The following SCYL3 variants were observed in gnomAD, a reference collection of about 807,000 sequenced individuals.
The protein encoded by SCYL3 is SCY1 like pseudokinase 3.
A neutral mutation model predicts 73.8 loss-of-function variants in SCYL3; 35 were observed. The observed-to-expected ratio is 0.47, with a 90% CI of 0.36 to 0.63. SCYL3 has a LOEUF of 0.63. Among genes scored for constraint, SCYL3 ranks in the 20% least tolerant of loss-of-function variants. The pLI, the probability that SCYL3 is intolerant of heterozygous loss-of-function variation, is 0.00. For missense variants in SCYL3, 712 were observed against 798.9 expected (o/e 0.89, Z 1.31); for synonymous variants, 277 against 295.2 (o/e 0.94, Z 0.63).
upstream of SCYL3, chr1:169,894,053 C>G (rs1055350580): frequency 2.0e-5 from 3 of 152,292 alleles, no homozygotes; most frequent in African/African-American, 7.2e-5. Flanking sequence ...CAGGCCGGTG[C>G]CATCTTAAGT....
At chr1:169,884,327 C>T (rs947755100) in intron 2 of SCYL3, among the ~76,000 whole-genome samples, 1 of 151,944 alleles carries the variant, frequency 6.6e-6, no homozygotes, top group Non-Finnish European at 1.5e-5. Flanking sequence ...GACAGAGTGT[C>T]GCTCTTGTTA....
At chr1:169,888,532 T>G in intron 2 of SCYL3, 144 bp downstream of exon 2, 2 of 640,416 alleles carry the variant, frequency 3.1e-6, no homozygotes, top group Non-Finnish European at 5.2e-6. Context: ...GCCCATGAAG[T>G]AAGAGCAATG....
chr1:169,891,701 A>G (rs554454170), intron 1 of SCYL3, among the ~76,000 whole-genome samples: 1 of 152,352 alleles, frequency 6.6e-6, no homozygotes, highest in East Asian at 1.9e-4. Context: ...TGTTAATATT[A>G]ATCCTCATGG....
rs1488280190 is a variant in SCYL3 at position 169,851,670 on chromosome 1, A to G, written c.*2043T>C. The G allele has an allele frequency of 6.9e-6, 6 of 864,934 alleles. No individual in the cohort carries two copies. The highest frequency in any genetic ancestry group is 1.1e-5 in the Non-Finnish European group (6 of 557,096). The allele number at this position is 864,934 out of a possible 1,614,324, so 53.6% of individuals were successfully genotyped here. On this transcript the variant is annotated 3_prime_UTR_variant, in exon 13 of 13. Coordinates refer to ENST00000367771, the MANE Select transcript of SCYL3 (RefSeq NM_020423.7). ...AGTAGAGTGATTTAATCCAGATTAT[A>G]CTAAGAGTATTTATAGATCAGTCCA...
intron 11 of SCYL3, 70 bp downstream of exon 11, chr1:169,858,971 C>A: frequency 7.4e-7 from 1 of 1,357,878 alleles, no homozygotes; most frequent in East Asian, 2.4e-5. Context: ...GACCCTCCTA[C>A]ATTACTTATA....
At chr1:169,858,946 C>T in intron 11 of SCYL3, 95 bp downstream of exon 11, 5 of 1,056,794 alleles carry the variant, frequency 4.7e-6, no homozygotes, top group Non-Finnish European at 6.9e-6. Flanking sequence ...TTCTTTATAT[C>T]ATTTGACTGA....
rs190544301 is a variant in SCYL3 at position 169,855,903 on chromosome 1, T to A, written c.1313-939A>T. 11 of 1,613,972 alleles carry A rather than the reference T, an allele frequency of 6.8e-6. No homozygotes were observed. The highest frequency in any genetic ancestry group is 1.6e-4 in the Middle Eastern group (1 of 6,062). On this transcript the variant is annotated intron_variant, in intron 11 of 12. Transcript: ENST00000367771. ...AGGGAATATGCTAGAGAAGGGGTTC[T>A]CCAAGATTGGCGAGATCTGACTGTG... is the stretch of plus-strand genomic sequence containing the variant.
intron 2 of SCYL3, among the ~76,000 whole-genome samples, chr1:169,886,041 G>A (rs369408408): frequency 2.0e-5 from 3 of 152,154 alleles, no homozygotes; most frequent in East Asian, 1.9e-4. Flanking sequence ...GGCCAGGTAC[G>A]GTGGCTCATG....
intron 1 of SCYL3, among the ~76,000 whole-genome samples, chr1:169,889,818 T>C (rs1229159404): frequency 6.6e-6 from 1 of 152,230 alleles, no homozygotes; most frequent in East Asian, 1.9e-4. Context: ...TTTTCATTTA[T>C]TCTGTATCAA....
rs571264508 is a variant in SCYL3 at position 169,891,601 on chromosome 1, A to C, written c.-51+2187T>G. Among the ~76,000 whole-genome samples the C allele has an allele frequency of 3.3e-5, 5 of 152,292 alleles. No homozygotes were observed. In the East Asian group the frequency reaches 7.7e-4, roughly 24 times the overall value. On this transcript the variant is annotated intron_variant, in intron 1 of 12. Transcript: ENST00000367771. ...TCACCCACAAAACACAGCTTTCCAA[A>C]ATCAACACACAATTAAGAGAAAAGC...
intron 4 of SCYL3, 69 bp from the exon 5 acceptor site, chr1:169,873,821 G>A (rs1482329939): frequency 8.9e-7 from 1 of 1,128,764 alleles, no homozygotes. Context: ...CTTACATCAG[G>A]TTACATAAGC....
chr1:169,850,393 T>C lies in SCYL3; in HGVS notation c.*3320A>G. On this transcript the variant is annotated 3_prime_UTR_variant, in exon 13 of 13. Transcript: ENST00000367771. The stretch of plus-strand genomic sequence containing the variant: ...GTTTTATTCTTTGTCCTATTTTTTT[T>C]TTTCCGAAATTATGTAACTGTAACC... The C allele has an allele frequency of 7.3e-7, 1 of 1,372,874 alleles. No homozygotes were observed. Among genetic ancestry groups the C allele is most frequent in the Non-Finnish European group, 1.0e-6 (1 of 981,886 alleles). The allele number at this position is 1,372,874 out of a possible 1,614,324, so 85.0% of individuals were successfully genotyped here. A position where few individuals can be genotyped will look rare whatever the true frequency, so the allele number is the denominator to read the frequency against.
intron 3 of SCYL3, among the ~76,000 whole-genome samples, chr1:169,876,632 GA>G (rs1200525162): frequency 6.6e-6 from 1 of 152,112 alleles, no homozygotes; most frequent in Non-Finnish European, 1.5e-5. Flanking sequence ...TGAAGAAGAG[GA>G]AAATGGAATG....
chr1:169,888,825 T>C lies in SCYL3; in HGVS notation c.16A>G (p.Ser6Gly). Residue 6 changes from serine to glycine, a missense_variant, in exon 2 of 13, where the codon AGT becomes GGT. By Grantham distance (56) the Ser-to-Gly change is moderately conservative. Transcript: ENST00000367771. ...CTCAGTGTATAGCTCTTTAAAGCAC[T>C]GTTCTCTGATCCCATCCCTTATGCA... is the stretch of plus-strand genomic sequence containing the variant. MGSEN[S>G]ALKSYTLREP... 1 of 1,612,756 alleles carries C rather than the reference T, an allele frequency of 6.2e-7. No individual in the cohort carries two copies. Among genetic ancestry groups the C allele is most frequent in the Non-Finnish European group, 8.5e-7 (1 of 1,179,354 alleles).
rs12122419 is a variant in SCYL3, at chr1:169,873,876, C to T, written c.466-124G>A. ...ACCAATTAAACCTTCAAATCAATGCCGCATATTAGATGCACAAATTTAAAA... is the reference window on the plus strand; with the variant it reads ...ACCAATTAAACCTTCAAATCAATGCTGCATATTAGATGCACAAATTTAAAA... On this transcript the variant is annotated intron_variant, in intron 4 of 12. Transcript: ENST00000367771. The T allele has an allele frequency of 0.079, 49,633 of 625,332 alleles. 2,351 individuals carry two copies. The highest frequency in any genetic ancestry group is 0.099 in the Middle Eastern group (352 of 3,548). The allele number at this position is 625,332 out of a possible 1,614,324, so 38.7% of individuals were successfully genotyped here.
intron 3 of SCYL3, among the ~76,000 whole-genome samples, chr1:169,876,591 T>C (rs922987595): frequency 6.6e-6 from 1 of 152,080 alleles, no homozygotes; most frequent in Non-Finnish European, 1.5e-5. Flanking sequence ...TCATCTGAAA[T>C]CTTGTTAGTA....
Position 169,851,775 on chromosome 1 carries a change from T to A in SCYL3, c.*1938A>T. On this transcript the variant is annotated 3_prime_UTR_variant, in exon 13 of 13. Coordinates refer to ENST00000367771, the MANE Select transcript of SCYL3 (RefSeq NM_020423.7). ...GGCCATTTCATATCTAGTAGAGTGC[T>A]AACATGTTGCTATTTGCTTGGTTTT... 1 of 1,603,332 alleles carries A rather than the reference T, an allele frequency of 6.2e-7. No homozygotes were observed. Among genetic ancestry groups the A allele is most frequent in the South Asian group, 1.1e-5 (1 of 89,162 alleles).
At chr1:169,872,125 C>T (rs962492084) in intron 5 of SCYL3, among the ~76,000 whole-genome samples, 1 of 152,238 alleles carries the variant, frequency 6.6e-6, no homozygotes, top group Non-Finnish European at 1.5e-5. Flanking sequence ...TTCATGGCAG[C>T]CCCTCCCATC....
At chr1:169,892,381 C>T (rs1662148067) in intron 1 of SCYL3, among the ~76,000 whole-genome samples, 2 of 152,166 alleles carry the variant, frequency 1.3e-5, no homozygotes, top group Non-Finnish European at 2.9e-5. Context: ...TCCCCAGCCT[C>T]CCTAGTTGCT....
Sources: allele counts gnomAD v4.1 joint callset (sites outside exome capture counted in the v4.1 genomes callset), GRCh38; gene constraint gnomAD v4.1.1; transcripts MANE v1.5; gene names NCBI Gene and HGNC (gene_info 2026-07-23, HGNC 2026-07-21).